Variants in TC2N observed in about 807,000 individuals in gnomAD.
The protein encoded by TC2N is tandem C2 domains nuclear protein.
Under a neutral mutation model 61.9 loss-of-function variants are expected in TC2N, and 51 were observed. That is an observed-to-expected ratio of 0.82 (90% CI 0.66 to 1.04). The LOEUF (loss-of-function observed/expected upper bound fraction) is 1.04, where lower values mean the gene tolerates loss of function less well. Ranked by LOEUF, TC2N falls within the 50% of genes least tolerant of loss-of-function variation. The probability of loss-of-function intolerance (pLI) is 0.00; values close to 1 mark genes in which losing one functional copy is unlikely to be tolerated. For missense variants in TC2N, 556 were observed against 566.7 expected (o/e 0.98, Z 0.19); for synonymous variants, 204 against 192.6 (o/e 1.06, Z -0.49).
intron 8 of TC2N, among the ~76,000 whole-genome samples, chr14:91,797,447 A>T (rs1885952489): frequency 6.6e-6 from 1 of 152,026 alleles, no homozygotes; most frequent in Non-Finnish European, 1.5e-5. Context: ...AATTCATTGC[A>T]ATCATGAATT....
intron 1 of TC2N, among the ~76,000 whole-genome samples, chr14:91,821,827 T>G (rs1887267836): frequency 1.3e-5 from 2 of 151,588 alleles, no homozygotes. Flanking sequence ...ATAACCCAAT[T>G]AAAAAATAGG....
intron 1 of TC2N, among the ~76,000 whole-genome samples, chr14:91,817,601 A>C (rs1191222860): frequency 6.6e-6 from 1 of 152,114 alleles, no homozygotes; most frequent in Non-Finnish European, 1.5e-5. Context: ...ATAGATAAGG[A>C]AACAAAGTAC....
chr14:91,839,665 C>T (rs1367626298), intron 1 of TC2N, among the ~76,000 whole-genome samples: 1 of 152,186 alleles, frequency 6.6e-6, no homozygotes, highest in African/African-American at 2.4e-5. Context: ...AATAAATGGT[C>T]ATGAATACAT....
At chr14:91,841,150 A>G (rs2139909296) in intron 1 of TC2N, among the ~76,000 whole-genome samples, 1 of 152,360 alleles carries the variant, frequency 6.6e-6, no homozygotes, top group Middle Eastern at 3.4e-3. Flanking sequence ...CAACCACATG[A>G]TCAACTCACC....
At chr14:91,826,523 C>T (rs1221065292) in intron 1 of TC2N, among the ~76,000 whole-genome samples, 1 of 152,008 alleles carries the variant, frequency 6.6e-6, no homozygotes, top group African/African-American at 2.4e-5. Context: ...TTATTAATCT[C>T]CCTTTCAATC....
intron 1 of TC2N, among the ~76,000 whole-genome samples, chr14:91,841,914 C>G (rs1169110739): frequency 6.6e-6 from 1 of 151,594 alleles, no homozygotes; most frequent in Non-Finnish European, 1.5e-5. Flanking sequence ...ATACATCATT[C>G]ATGTTCTTGG....
chr14:91,853,263 G>A (rs1888410579), intron 1 of TC2N, among the ~76,000 whole-genome samples: 2 of 152,194 alleles, frequency 1.3e-5, no homozygotes, highest in South Asian at 2.1e-4. Context: ...CAGGGGCAGA[G>A]GTGAAGGCAG....
chr14:91,812,574 A>T, intron 2 of TC2N, 29 bp from the exon 3 acceptor site: 1 of 1,108,060 alleles, frequency 9.0e-7, no homozygotes, highest in Non-Finnish European at 1.4e-6. Context: ...AAAAGTCACA[A>T]ATATGAATAT....
At chr14:91,867,160 G>A (rs1595284155) in intron 1 of TC2N, 102 bp downstream of exon 1, 1 of 152,078 alleles carries the variant, frequency 6.6e-6, no homozygotes, top group African/African-American at 2.4e-5. Context: ...TTAAAGACTC[G>A]GATCTGGTTC....
Position 91,798,410 on chromosome 14 carries a change from A to G in TC2N, c.638-11T>C. On this transcript the variant is annotated splice_polypyrimidine_tract_variant and intron_variant, in intron 6 of 11. Coordinates refer to ENST00000435962, the MANE Select transcript of TC2N (RefSeq NM_001128596.3). ...ATAGAGTAATTGTATCTGAATTATA[A>G]AAGGACAAAGATGTTTCAAATGCCA... The G allele has an allele frequency of 7.0e-7, 1 of 1,436,836 alleles. No individual in the cohort carries two copies. Among genetic ancestry groups the G allele is most frequent in the Non-Finnish European group, 9.7e-7 (1 of 1,034,456 alleles). 89.0% of individuals were successfully genotyped at this position (1,436,836 alleles called of 1,614,324 possible).
intron 3 of TC2N, among the ~76,000 whole-genome samples, chr14:91,808,169 C>T (rs151028468): frequency 4.3e-4 from 65 of 152,248 alleles, no homozygotes; most frequent in Non-Finnish European, 8.2e-4. Flanking sequence ...TCATCAGCAG[C>T]GTGAGAACAG....
rs958723063 is a variant in TC2N, at chr14:91,797,829, G to C, written c.811C>G (p.Pro271Ala). The C allele has an allele frequency of 1.2e-6, 2 of 1,610,802 alleles. No individual in the cohort carries two copies. The highest frequency in any genetic ancestry group is 1.7e-6 in the Non-Finnish European group (2 of 1,178,230). The change falls in exon 8 of 12, where the codon CCC becomes GCC. Residue 271 changes from proline (P) to alanine (A), a missense_variant. Physicochemically the swap from Pro to Ala is conservative, Grantham distance 27. Coordinates refer to ENST00000435962, the MANE Select transcript of TC2N (RefSeq NM_001128596.3). ...GAAGATTTGAAATGCACTGGTTTGG[G>C]CAATGTAAGTATTCCTTTTATAGAA... is the stretch of plus-strand genomic sequence containing the variant. ...TVSIKGILTL[P>A]KPVHFKSSAK...
Position 91,841,976 on chromosome 14 carries a change from C to CTTT in TC2N, c.-57+25283_-57+25285dup, listed in dbSNP as rs10682178. 4.0e-3 allele frequency among the ~76,000 whole-genome samples: 505 copies of CTTT among 125,734 alleles called. 19 individuals carry two copies. The highest frequency in any genetic ancestry group is 4.9e-3 in the Non-Finnish European group (304 of 62,428). The allele number at this position is 125,734 out of a possible 152,430, so 82.5% of individuals were successfully genotyped here. ...TGTACCATCCATCCTTCCCTTCCAC[C>CTTT]TTTTTTTTTTTTTTTTTTGAGACAG... On this transcript the variant is annotated intron_variant, in intron 1 of 11. Transcript: ENST00000435962.
chr14:91,828,192 T>C (rs191801350), intron 1 of TC2N, among the ~76,000 whole-genome samples: 2 of 152,268 alleles, frequency 1.3e-5, no homozygotes, highest in African/African-American at 4.8e-5. Context: ...TCCCTGATTT[T>C]TATATTTTTT....
chr14:91,816,782 T>A (rs1165995917), intron 1 of TC2N, among the ~76,000 whole-genome samples: 2 of 151,932 alleles, frequency 1.3e-5, no homozygotes. Context: ...AATTCCATAT[T>A]TTCTCCACTT....
At position 91,862,509 on chromosome 14, in the gene TC2N, G is replaced by A. The variant is rs77063154; in HGVS notation, c.-57+4753C>T. Among the ~76,000 whole-genome samples, 969 of 152,298 alleles carry A rather than the reference G, an allele frequency of 6.4e-3. 32 individuals are homozygous for A. In the South Asian group the frequency reaches 0.082, roughly 13 times the overall value. On this transcript the variant is annotated intron_variant, in intron 1 of 11. Transcript: ENST00000435962. ...GTCTTTGTTGAACCAGCAAAGGAGC[G>A]GAGTGGGGCTGAGGGAAATCTGGTG...
chr14:91,851,624 C>T (rs921836976), intron 1 of TC2N, among the ~76,000 whole-genome samples: 1 of 152,194 alleles, frequency 6.6e-6, no homozygotes, highest in African/African-American at 2.4e-5. Flanking sequence ...ATGGCTGAGG[C>T]TCTCACAAAA....
intron 1 of TC2N, among the ~76,000 whole-genome samples, chr14:91,820,753 T>A (rs982763581): frequency 2.0e-5 from 3 of 151,458 alleles, no homozygotes; most frequent in Admixed American, 2.0e-4. Flanking sequence ...AGAAGTTCAC[T>A]AAGGTTGCAA....
intron 8 of TC2N, among the ~76,000 whole-genome samples, chr14:91,797,143 AAAGAAAGAGG>A (rs964567781): frequency 2.9e-4 from 44 of 152,150 alleles, no homozygotes; most frequent in Non-Finnish European, 4.9e-4. Flanking sequence ...GAAAGCAAAG[AAAGAAAGAGG>A]AAGAAAGAAA....
Sources: gnomAD v4.1 joint callset for allele counts (sites outside exome capture counted in the v4.1 genomes callset) on GRCh38, gnomAD v4.1.1 for gene constraint, MANE v1.5 for transcripts, NCBI Gene and HGNC (gene_info 2026-07-23, HGNC 2026-07-21) for gene names.